Variants in TRMT44 observed in about 807,000 individuals in gnomAD.
TRMT44 encodes probable tRNA (uracil-O(2)-)-methyltransferase.
Under a neutral mutation model 77.3 loss-of-function variants are expected in TRMT44, and 78 were observed. That is an observed-to-expected ratio of 1.01 (90% CI 0.84 to 1.22). The LOEUF is 1.22. TRMT44 is among the 50% of genes most tolerant of loss of function. The pLI is 0.00. For missense variants in TRMT44, 1,090 were observed against 964.4 expected, an observed-to-expected ratio of 1.13 and a Z score of -1.73; for synonymous variants, 391 against 383.3, an observed-to-expected ratio of 1.02 and a Z score of -0.23.
downstream of TRMT44, among the ~76,000 whole-genome samples, chr4:8,495,037 CT>C (rs1728111329): frequency 6.6e-6 from 1 of 152,216 alleles, no homozygotes. Flanking sequence ...CCAACACGGG[CT>C]TTCATCCAGG....
At chr4:8,475,693 TG>T in intron 10 of TRMT44, 78 bp from the exon 11 acceptor site, 1 of 1,368,670 alleles carries the variant, frequency 7.3e-7, no homozygotes, top group Non-Finnish European at 1.0e-6. Context: ...TCCCGTGGCG[TG>T]GGAGCTAAAG....
chr4:8,508,653 G>A, the TRMT44 span: 1 of 152,480 alleles, frequency 6.6e-6, no homozygotes, highest in South Asian at 2.1e-4. Flanking sequence ...GGCGCCTTGG[G>A]CGGCAGATCC....
In TRMT44 at chr4:8,465,522, C is replaced by G; in HGVS notation, c.1455C>G (p.His485Gln). 6.2e-7 allele frequency: 1 copy of G among 1,613,858 alleles called. No individual in the cohort carries two copies. The highest frequency in any genetic ancestry group is 8.5e-7 in the Non-Finnish European group (1 of 1,179,932). Reference sequence around the variant, plus strand: ...AAGTGGGCTTCACCTGTGGGTTTCACGTGGACGAAGACTGCCTCAGGATTC... The same window carrying G: ...AAGTGGGCTTCACCTGTGGGTTTCAGGTGGACGAAGACTGCCTCAGGATTC... ...IKEVGFTCGF[H>Q]VDEDCLRIPS... The change falls in exon 8 of 11, where the codon CAC (histidine) becomes CAG (glutamine). Residue 485 changes from histidine (H) to glutamine (Q), a missense_variant. By Grantham distance (24) the His-to-Gln change is conservative. Transcript: ENST00000389737.
chr4:8,509,961 A>G, the TRMT44 span, among the ~76,000 whole-genome samples: 1 of 151,976 alleles, frequency 6.6e-6, no homozygotes, highest in Non-Finnish European at 1.5e-5. Flanking sequence ...GGTGGGGTGG[A>G]GTGTGAGTTT....
chr4:8,497,984 A>T (rs1416363901), downstream of TRMT44, among the ~76,000 whole-genome samples: 1 of 152,120 alleles, frequency 6.6e-6, no homozygotes, highest in Non-Finnish European at 1.5e-5. Context: ...CTGGGCTGAG[A>T]GCATGGCCTT....
the TRMT44 span, chr4:8,507,290 A>G: frequency 6.6e-6 from 1 of 152,390 alleles, no homozygotes. Context: ...GCGTGTCCAC[A>G]TTGGGGAAGT....
intron 6 of TRMT44, among the ~76,000 whole-genome samples, chr4:8,456,789 A>G (rs1384377525): frequency 6.6e-6 from 1 of 152,232 alleles, no homozygotes. Flanking sequence ...AGATGATTTG[A>G]TAGTTTTAGA....
chr4:8,470,741 C>G (rs991822601), intron 9 of TRMT44, among the ~76,000 whole-genome samples: 29 of 152,204 alleles, frequency 1.9e-4, no homozygotes, highest in Non-Finnish European at 3.2e-4. Flanking sequence ...TCTGAGAAAC[C>G]CTGGCTCCAA....
chr4:8,502,724 T>A, the TRMT44 span, among the ~76,000 whole-genome samples: 1 of 152,238 alleles, frequency 6.6e-6, no homozygotes. Flanking sequence ...CAACCAGTTA[T>A]GATCTTATGC....
chr4:8,442,168 T>C (rs73211354), intron 1 of TRMT44, among the ~76,000 whole-genome samples: 2,329 of 152,302 alleles, frequency 0.015, 18 homozygotes, highest in Middle Eastern at 0.034. Context: ...CATGGGAACA[T>C]CATGACAATA....
At chr4:8,480,982 CAT>C (rs1243585282), downstream of TRMT44, among the ~76,000 whole-genome samples, 5 of 152,214 alleles carry the variant, frequency 3.3e-5, no homozygotes, top group East Asian at 9.6e-4. Flanking sequence ...TCTCTGTTAA[CAT>C]AGCTAGATCT....
rs112561859 is a variant in TRMT44, at chr4:8,488,444, G to A, written n.3892-4822G>A. 8.6e-3 allele frequency among the ~76,000 whole-genome samples: 1,315 copies of A among 152,326 alleles called. 6 individuals carry two copies. Among genetic ancestry groups the A allele is most frequent in the South Asian group, 0.034 (162 of 4,830 alleles). On this transcript the variant is annotated intron_variant and non_coding_transcript_variant, in intron 2 of 2. Transcript: ENST00000511366. ...ACAGTCAAAGGAGGTTTGTTCTCTGGTGGACAGGAGTGGGGGTCGCAAGGT... is the reference window on the plus strand; with the variant it reads ...ACAGTCAAAGGAGGTTTGTTCTCTGATGGACAGGAGTGGGGGTCGCAAGGT...
intron 6 of TRMT44, among the ~76,000 whole-genome samples, chr4:8,455,112 G>A (rs973254865): frequency 6.6e-6 from 1 of 152,214 alleles, no homozygotes; most frequent in Admixed American, 6.5e-5. Context: ...CCTTGAGGTG[G>A]GGGCTGTGCC....
downstream of TRMT44, among the ~76,000 whole-genome samples, chr4:8,479,697 G>A (rs1727553119): frequency 6.6e-6 from 1 of 152,122 alleles, no homozygotes; most frequent in African/African-American, 2.4e-5. Flanking sequence ...CCCTTCTGCA[G>A]GCTGGATGAA....
chr4:8,454,239 A>G (rs1375651150), intron 5 of TRMT44, among the ~76,000 whole-genome samples: 1 of 150,830 alleles, frequency 6.6e-6, no homozygotes, highest in African/African-American at 2.5e-5. Flanking sequence ...CACTGTGGTC[A>G]CTCAACTCCA....
chr4:8,485,245 T>C (rs1188924369), intron 2 of TRMT44, among the ~76,000 whole-genome samples: 2 of 152,006 alleles, frequency 1.3e-5, no homozygotes, highest in African/African-American at 2.4e-5. Context: ...AGGGGAATAG[T>C]GAAAAAAGCA....
At chr4:8,471,247 C>CT (rs747560857) in intron 10 of TRMT44, 47 bp downstream of exon 10, 5 of 1,286,474 alleles carry the variant, frequency 3.9e-6, no homozygotes, top group South Asian at 2.7e-5. Context: ...CTTTTTCCCC[C>CT]TTTTTTCAGT....
At chr4:8,455,465 A>C (rs1425705185) in intron 6 of TRMT44, among the ~76,000 whole-genome samples, 1 of 152,138 alleles carries the variant, frequency 6.6e-6, no homozygotes, top group Non-Finnish European at 1.5e-5. Context: ...AGTCCCACGT[A>C]ATTTCTCTCA....
In TRMT44 at chr4:8,476,116, A is replaced by C; in HGVS notation, c.*115A>C. 1 of 887,238 alleles carries C rather than the reference A, an allele frequency of 1.1e-6. No homozygotes were observed. Among genetic ancestry groups the C allele is most frequent in the Non-Finnish European group, 1.7e-6 (1 of 575,084 alleles). 55.0% of individuals were successfully genotyped at this position (887,238 alleles called of 1,614,324 possible). On this transcript the variant is annotated 3_prime_UTR_variant, in exon 11 of 11. Transcript: ENST00000389737. ...GCTGTGTTTCAGCCCACCTCCTCCC[A>C]GCTTTCTCCACATCCTCACAGTGAT...
Sources: allele counts gnomAD v4.1 joint callset (sites outside exome capture counted in the v4.1 genomes callset), GRCh38; gene constraint gnomAD v4.1.1; transcripts MANE v1.5; gene names NCBI Gene and HGNC (gene_info 2026-07-23, HGNC 2026-07-21).